Variants in SPTBN2 observed in about 807,000 individuals in gnomAD.
SPTBN2 encodes the protein spectrin beta chain, non-erythrocytic 2.
SPTBN2 carries 107 observed loss-of-function variants against 284.2 expected under a neutral mutation model. The observed-to-expected ratio is 0.38, with a 90% CI of 0.32 to 0.44. The LOEUF (loss-of-function observed/expected upper bound fraction) is 0.44. SPTBN2 is among the 20% of genes least tolerant of loss of function. The probability of loss-of-function intolerance (pLI) is 1.00; values close to 1 mark genes in which losing one functional copy is unlikely to be tolerated. For missense variants in SPTBN2, 2,569 were observed against 3,287.1 expected, an observed-to-expected ratio of 0.78 and a Z score of 5.34; for synonymous variants, 1,289 against 1,354.8, an observed-to-expected ratio of 0.95 and a Z score of 1.07.
Position 66,707,614 on chromosome 11 carries a change from T to C in SPTBN2, c.1555A>G (p.Met519Val), listed in dbSNP as rs756920497. The change falls in exon 13 of 38, where the codon ATG becomes GTG. Residue 519 changes from methionine to valine, a missense_variant. Around this residue, in one of 6 missense-constraint regions of SPTBN2, gnomAD observed 1,012 missense variants for 1,248.9 expected, o/e 0.81. Coordinates refer to ENST00000533211, the MANE Select transcript of SPTBN2 (RefSeq NM_006946.4). This position sits in a 1 kb window ranked among gnomAD's most constrained non-coding sequence, Gnocchi z 4.9. Reference protein sequence around the residue: ...VARLWDFLRQMVAARRERLLL... With the variant: ...VARLWDFLRQVVAARRERLLL... The stretch of plus-strand genomic sequence containing the variant: ...AGCCGCTCCCGCCGGGCGGCCACCA[T>C]CTGCCGCAAGAAGTCCCAGAGCCGT... 6.2e-7 allele frequency: 1 copy of C among 1,611,182 alleles called. No individual in the cohort carries two copies. Among genetic ancestry groups the C allele is most frequent in the South Asian group, 1.1e-5 (1 of 91,078 alleles).
At chr11:66,698,893 A>T (rs1355276079) in intron 19 of SPTBN2, 99 bp downstream of exon 19, 36 of 1,597,224 alleles carry the variant, frequency 2.3e-5, no homozygotes, top group Admixed American at 5.1e-5. Flanking sequence ...GAAGCCATGA[A>T]GGGGCTCACA....
intron 1 of SPTBN2, among the ~76,000 whole-genome samples, chr11:66,736,834 C>T (rs1164831839): frequency 6.6e-6 from 1 of 152,190 alleles, no homozygotes; most frequent in Non-Finnish European, 1.5e-5. Flanking sequence ...TGTATCTCAG[C>T]CTAATTTACT....
chr11:66,705,510 C>T, intron 14 of SPTBN2, 42 bp from the exon 15 acceptor site: 1 of 1,611,612 alleles, frequency 6.2e-7, no homozygotes, highest in South Asian at 1.1e-5. Context: ...TAACCCAGCC[C>T]TCCGGCTGCT....
intron 1 of SPTBN2, among the ~76,000 whole-genome samples, chr11:66,721,645 A>G (rs185578855): frequency 6.6e-6 from 1 of 152,324 alleles, no homozygotes; most frequent in East Asian, 1.9e-4. Flanking sequence ...ATGGGGCCCC[A>G]CAGGCAATAA....
rs149464236 is a variant in SPTBN2, at chr11:66,693,799, G to T, written c.4566C>A (p.Ser1522Arg). ...SSMEHGKDLPSVQLLMKKNQT... is the reference protein window; with the variant it reads ...SSMEHGKDLPRVQLLMKKNQT... ...GGTTTTTCTTCATGAGAAGCTGGAC[G>T]CTGGGCAGGTCCTTGCCATGCTCCA... The change falls in exon 23 of 38, where the codon AGC (serine) becomes AGA (arginine). Residue 1522 changes from serine to arginine, a missense_variant. Physicochemically the swap from Ser to Arg is moderately radical, Grantham distance 110. Around this residue, in one of 6 missense-constraint regions of SPTBN2, gnomAD observed 1,130 missense variants for 1,317.3 expected, o/e 0.86. Transcript: ENST00000533211. This position sits in a 1 kb window ranked among gnomAD's most constrained non-coding sequence, Gnocchi z 5.7. The T allele has an allele frequency of 1.8e-5, 29 of 1,613,628 alleles. No homozygotes were observed. The highest frequency in any genetic ancestry group is 2.5e-5 in the Non-Finnish European group (29 of 1,179,870).
chr11:66,688,511 T>C, intron 31 of SPTBN2, 142 bp downstream of exon 31: 2 of 1,454,946 alleles, frequency 1.4e-6, no homozygotes, highest in Non-Finnish European at 1.9e-6. Context: ...CTCCTAAAGG[T>C]GTGGTGACAA....
upstream of SPTBN2, among the ~76,000 whole-genome samples, chr11:66,731,597 G>A (rs904191847): frequency 1.3e-5 from 2 of 152,096 alleles, no homozygotes; most frequent in Admixed American, 6.5e-5. Flanking sequence ...CAGCCTCACG[G>A]CCCTCACTGC....
intron 21 of SPTBN2, among the ~76,000 whole-genome samples, chr11:66,694,754 C>T (rs912405037): frequency 2.6e-5 from 4 of 152,252 alleles, no homozygotes; most frequent in African/African-American, 4.8e-5. Context: ...CCCAATCCAT[C>T]GTGGCCCTGC....
chr11:66,687,846 C>T lies in SPTBN2; in HGVS notation c.6501+22G>A. ...ACCCTTCGCCTCACAGTTATCAACA[C>T]CACACTTGCAGGGGAACTCACCGGC... On this transcript the variant is annotated intron_variant, in intron 34 of 37. Coordinates refer to ENST00000533211, the MANE Select transcript of SPTBN2 (RefSeq NM_006946.4). This position sits in a 1 kb window ranked among gnomAD's most constrained non-coding sequence, Gnocchi z 5.2. The T allele has an allele frequency of 6.2e-7, 1 of 1,614,084 alleles. No homozygotes were observed. The highest frequency in any genetic ancestry group is 8.5e-7 in the Non-Finnish European group (1 of 1,179,980).
chr11:66,695,108 GC>G (rs1940832370), intron 21 of SPTBN2, among the ~76,000 whole-genome samples: 2 of 151,964 alleles, frequency 1.3e-5, no homozygotes, highest in African/African-American at 2.4e-5. Context: ...CTGAGACTCA[GC>G]CATCTTGCTC....
chr11:66,705,148 C>T lies in SPTBN2; in HGVS notation c.2128G>A (p.Glu710Lys), dbSNP rs1248851231. ...GCCTGGCTTGCCCCAGGGTGACCCT[C>T]GGCCACCAACTGCTGGCCCTGCTCC... The part of the protein sequence containing the change: ...TLEQGQQLVA[E>K]GHPGASQASA... The change falls in exon 15 of 38, where the codon GAG becomes AAG. Residue 710 changes from glutamate to lysine, a missense_variant. Around this residue, in one of 6 missense-constraint regions of SPTBN2, gnomAD observed 1,012 missense variants for 1,248.9 expected, o/e 0.81. Coordinates refer to ENST00000533211, the MANE Select transcript of SPTBN2 (RefSeq NM_006946.4). 1.3e-6 allele frequency: 2 copies of T among 1,536,796 alleles called. No homozygotes were observed. Among genetic ancestry groups the T allele is most frequent in the Non-Finnish European group, 1.7e-6 (2 of 1,143,532 alleles).
intron 20 of SPTBN2, 23 bp downstream of exon 20, chr11:66,698,616 G>A (rs573536878): frequency 1.2e-6 from 2 of 1,613,964 alleles, no homozygotes; most frequent in East Asian, 4.5e-5. Context: ...CTGCCCAGAG[G>A]CAGCCCCCAC....
chr11:66,687,842 A>G lies in SPTBN2; in HGVS notation c.6501+26T>C. 6.2e-7 allele frequency: 1 copy of G among 1,613,812 alleles called. No individual in the cohort carries two copies. The highest frequency in any genetic ancestry group is 8.5e-7 in the Non-Finnish European group (1 of 1,179,884). ...CTGGACCCTTCGCCTCACAGTTATC[A>G]ACACCACACTTGCAGGGGAACTCAC... is the stretch of plus-strand genomic sequence containing the variant. On this transcript the variant is annotated intron_variant, in intron 34 of 37. Coordinates refer to ENST00000533211, the MANE Select transcript of SPTBN2 (RefSeq NM_006946.4). The surrounding 1 kb of genome is among the most constrained non-coding windows in gnomAD (Gnocchi z 5.2).
In SPTBN2 at chr11:66,706,363, TC is replaced by T. The variant is rs553170607; in HGVS notation, c.1654-527del. On this transcript the variant is annotated intron_variant, in intron 13 of 37. Coordinates refer to ENST00000533211, the MANE Select transcript of SPTBN2 (RefSeq NM_006946.4). ...TATTTATTTTGAGATGGAGTCTCGC[TC>T]CTGTAGTGCAGGCTGGAGTGCAGTA... Among the ~76,000 whole-genome samples, 285 of 152,352 alleles carry T rather than the reference TC, an allele frequency of 1.9e-3. 1 individual carries two copies. The highest frequency in any genetic ancestry group is 6.2e-3 in the African/African-American group (258 of 41,590).
chr11:66,700,472 C>G lies in SPTBN2; in HGVS notation c.3573+54G>C. On this transcript the variant is annotated intron_variant, in intron 17 of 37. Transcript: ENST00000533211. The surrounding 1 kb of genome is among the most constrained non-coding windows in gnomAD (Gnocchi z 6.6). ...GCCCATCCTGCTCCTTCACATTTCC[C>G]CGGGTCCCTACTTTGCTCTTCCTCC... 1 of 1,597,684 alleles carries G rather than the reference C, an allele frequency of 6.3e-7. No homozygotes were observed. The highest frequency in any genetic ancestry group is 8.5e-7 in the Non-Finnish European group (1 of 1,179,460).
intron 8 of SPTBN2, 110 bp from the exon 9 acceptor site, chr11:66,711,139 T>A (rs750015340): frequency 2.3e-6 from 2 of 856,316 alleles, no homozygotes; most frequent in Non-Finnish European, 4.0e-6. Context: ...CATCTCTCCA[T>A]CTCCTTTTAG....
intron 13 of SPTBN2, among the ~76,000 whole-genome samples, chr11:66,706,536 G>A (rs1393021365): frequency 6.6e-6 from 1 of 152,024 alleles, no homozygotes; most frequent in African/African-American, 2.4e-5. Flanking sequence ...TCACCATGTT[G>A]GCCAGGCTGG....
chr11:66,705,326 C>T lies in SPTBN2; in HGVS notation c.1950G>A (p.Val650=). The change falls in exon 15 of 38, where the codon GTG becomes GTA. Residue 650 remains valine, a synonymous_variant. Coordinates refer to ENST00000533211, the MANE Select transcript of SPTBN2 (RefSeq NM_006946.4). ...SRRLWRFLWE[V]GEAEAWVREQ... ...CCCGCACCCAGGCCTCAGCTTCACC[C>T]ACCTCCCAGAGGAAACGCCAGAGCC... is the stretch of plus-strand genomic sequence containing the variant. 6 of 1,609,728 alleles carry T rather than the reference C, an allele frequency of 3.7e-6. No homozygotes were observed. The highest frequency in any genetic ancestry group is 5.1e-6 in the Non-Finnish European group (6 of 1,179,608).
At chr11:66,712,330 C>T (rs1168744123) in intron 8 of SPTBN2, among the ~76,000 whole-genome samples, 2 of 152,176 alleles carry the variant, frequency 1.3e-5, no homozygotes, top group Admixed American at 6.5e-5. Context: ...GGGCGGACCA[C>T]GAGGTCAGGA....
Sources: allele counts gnomAD v4.1 joint callset (sites outside exome capture counted in the v4.1 genomes callset), GRCh38; gene constraint gnomAD v4.1.1; regional missense constraint gnomAD v4.1.1; non-coding constraint Gnocchi (gnomAD v3.1); transcripts MANE v1.5; gene names NCBI Gene and HGNC (gene_info 2026-07-23, HGNC 2026-07-21).